Variants in FILIP1 observed in about 807,000 individuals in gnomAD.
The protein encoded by FILIP1 is filamin-A-interacting protein 1.
Under a neutral mutation model 102.1 loss-of-function variants are expected in FILIP1, and 61 were observed. That is an observed-to-expected ratio of 0.60 (90% confidence interval 0.49 to 0.74). The LOEUF (loss-of-function observed/expected upper bound fraction) is 0.74, where lower values mean the gene tolerates loss of function less well. Ranked by LOEUF, FILIP1 falls within the 30% of genes least tolerant of loss-of-function variation. FILIP1 has a pLI of 0.00. For synonymous variants in FILIP1, 491 were observed against 526.9 expected (o/e 0.93, Z 0.93); for missense variants, 1,314 against 1,441.2 (o/e 0.91, Z 1.43).
At chr6:75,461,527 A>G (rs915018564) in intron 1 of FILIP1, among the ~76,000 whole-genome samples, 12 of 152,212 alleles carry the variant, frequency 7.9e-5, no homozygotes, top group African/African-American at 2.4e-4. Flanking sequence ...AAAAAAACAA[A>G]GTCCATTGTT....
intron 4 of FILIP1, among the ~76,000 whole-genome samples, chr6:75,338,222 G>T (rs544525990): frequency 1.3e-5 from 2 of 152,294 alleles, no homozygotes; most frequent in East Asian, 1.9e-4. Context: ...ACTAAGTAAA[G>T]TTGACCTCTT....
At chr6:75,319,105 TCTTC>T (rs1773549801) in intron 4 of FILIP1, 1 of 731,486 alleles carries the variant, frequency 1.4e-6, no homozygotes, top group African/African-American at 1.7e-5. Context: ...ATCTTCCTCC[TCTTC>T]CTTCTTTTTC....
At chr6:75,378,777 T>C (rs1775817098) in intron 2 of FILIP1, among the ~76,000 whole-genome samples, 1 of 152,154 alleles carries the variant, frequency 6.6e-6, no homozygotes, top group South Asian at 2.1e-4. Flanking sequence ...TCAAATCAAG[T>C]TGGACAAATA....
At chr6:75,357,611 A>T (rs541117758) in intron 3 of FILIP1, among the ~76,000 whole-genome samples, 1 of 152,380 alleles carries the variant, frequency 6.6e-6, no homozygotes, top group Admixed American at 6.5e-5. Context: ...TGTGTTTCTT[A>T]GGCAGAGCTG....
chr6:75,441,316 C>T lies in FILIP1; in HGVS notation c.-6-26338G>A, dbSNP rs561279376. 2.6e-5 allele frequency among the ~76,000 whole-genome samples: 4 copies of T among 152,296 alleles called. No individual in the cohort carries two copies. The South Asian group carries it at 8.3e-4, about 32-fold the overall frequency. On this transcript the variant is annotated intron_variant, in intron 1 of 5. Coordinates refer to ENST00000237172, the MANE Select transcript of FILIP1 (RefSeq NM_015687.5). ...GGTTGGGGATAAGGTCACAGATCAA[C>T]AGGATCCCAAGGCAAAAGAATTTTT...
At chr6:75,453,133 C>T (rs1250384720) in intron 1 of FILIP1, among the ~76,000 whole-genome samples, 3 of 152,188 alleles carry the variant, frequency 2.0e-5, no homozygotes, top group Admixed American at 6.5e-5. Context: ...TGGATTACCC[C>T]ATACAGAGTT....
At chr6:75,456,767 C>T (rs533625517) in intron 1 of FILIP1, among the ~76,000 whole-genome samples, 7 of 152,128 alleles carry the variant, frequency 4.6e-5, no homozygotes, top group Admixed American at 3.9e-4. Context: ...ACCATGTTGG[C>T]CAGGATGGTC....
chr6:75,361,793 G>A (rs1294730281), intron 3 of FILIP1: 1 of 152,198 alleles, frequency 6.6e-6, no homozygotes, highest in Non-Finnish European at 1.5e-5. Flanking sequence ...TCTCAGAAGT[G>A]AAAGTAGATC....
At chr6:75,374,357 T>C (rs1374973861) in intron 2 of FILIP1, among the ~76,000 whole-genome samples, 1 of 152,170 alleles carries the variant, frequency 6.6e-6, no homozygotes, top group Non-Finnish European at 1.5e-5. Flanking sequence ...TCCAGCTTTC[T>C]GTGAACCAGG....
At chr6:75,346,671 C>G (rs1562484784) in intron 4 of FILIP1, among the ~76,000 whole-genome samples, 1 of 152,082 alleles carries the variant, frequency 6.6e-6, no homozygotes, top group Non-Finnish European at 1.5e-5. Flanking sequence ...TTTGCTTGGT[C>G]CCTTCAAGTA....
At chr6:75,359,539 T>C (rs1775111487) in intron 3 of FILIP1, among the ~76,000 whole-genome samples, 1 of 152,226 alleles carries the variant, frequency 6.6e-6, no homozygotes, top group African/African-American at 2.4e-5. Flanking sequence ...TCAGAATTCC[T>C]TGATTTCACA....
intron 1 of FILIP1, among the ~76,000 whole-genome samples, chr6:75,435,982 T>A (rs1395407851): frequency 6.6e-6 from 1 of 152,058 alleles, no homozygotes; most frequent in East Asian, 1.9e-4. Context: ...ACAATGGGAT[T>A]TTCTTGTTAA....
chr6:75,431,807 A>G (rs1777832257), intron 1 of FILIP1, among the ~76,000 whole-genome samples: 1 of 152,248 alleles, frequency 6.6e-6, no homozygotes, highest in African/African-American at 2.4e-5. Context: ...CCAAGGGAAT[A>G]TACACAAAGA....
chr6:75,331,143 A>G (rs1774065015), intron 4 of FILIP1, among the ~76,000 whole-genome samples: 1 of 152,234 alleles, frequency 6.6e-6, no homozygotes. Context: ...AAAATCTGGT[A>G]ACATGCTAAT....
chr6:75,409,676 T>C (rs1444362572), intron 2 of FILIP1, among the ~76,000 whole-genome samples: 1 of 152,150 alleles, frequency 6.6e-6, no homozygotes, highest in Non-Finnish European at 1.5e-5. Flanking sequence ...TCAGGAACCA[T>C]GTGGCCAGAG....
intron 1 of FILIP1, among the ~76,000 whole-genome samples, chr6:75,439,038 C>T (rs574364586): frequency 1.9e-4 from 29 of 152,328 alleles, no homozygotes; most frequent in African/African-American, 6.7e-4. Flanking sequence ...CAGATAACCT[C>T]TAATGAAATG....
At chr6:75,449,608 A>C (rs915345112) in intron 1 of FILIP1, among the ~76,000 whole-genome samples, 13 of 152,040 alleles carry the variant, frequency 8.6e-5, no homozygotes, top group Admixed American at 2.0e-4. Flanking sequence ...GCAAGACCCC[A>C]TCTGTATTTT....
chr6:75,342,787 T>G (rs1774456874), intron 4 of FILIP1, among the ~76,000 whole-genome samples: 1 of 152,242 alleles, frequency 6.6e-6, no homozygotes. Flanking sequence ...CAGCCCTGCC[T>G]CAGCTATTTC....
chr6:75,348,990 A>C (rs1357976347), intron 4 of FILIP1, among the ~76,000 whole-genome samples: 6 of 152,228 alleles, frequency 3.9e-5, no homozygotes, highest in African/African-American at 1.4e-4. Flanking sequence ...AATGAAACAT[A>C]AACTATTTGC....
Sources: allele counts gnomAD v4.1 joint callset (sites outside exome capture counted in the v4.1 genomes callset), GRCh38; gene constraint gnomAD v4.1.1; transcripts MANE v1.5; gene names NCBI Gene and HGNC (gene_info 2026-07-23, HGNC 2026-07-21).